Variants in RAD51B observed in about 807,000 individuals in gnomAD.
The protein encoded by RAD51B is DNA repair protein RAD51 homolog 2.
In RAD51B, 38 loss-of-function variants were observed where a neutral mutation model predicts 42.2. The observed-to-expected ratio is 0.90, with a 90% CI of 0.70 to 1.18. The LOEUF is 1.18. RAD51B is among the 50% of genes most tolerant of loss of function. RAD51B has a pLI of 0.00. For synonymous variants in RAD51B, 154 were observed against 145.2 expected, an observed-to-expected ratio of 1.06 and a Z score of -0.43; for missense variants, 373 against 400.7, an observed-to-expected ratio of 0.93 and a Z score of 0.59.
intron 7 of RAD51B, among the ~76,000 whole-genome samples, chr14:68,120,776 T>C (rs1595428457): frequency 6.6e-6 from 1 of 152,162 alleles, no homozygotes; most frequent in Admixed American, 6.5e-5. Flanking sequence ...TCTCTTGCCA[T>C]GTGCCCATTT....
At chr14:67,880,235 T>C (rs1293687805) in intron 5 of RAD51B, among the ~76,000 whole-genome samples, 2 of 152,246 alleles carry the variant, frequency 1.3e-5, no homozygotes, top group African/African-American at 2.4e-5. Flanking sequence ...AATTTTATCA[T>C]TGGCAATAAA....
At chr14:67,971,018 G>C (rs541460864) in intron 7 of RAD51B, among the ~76,000 whole-genome samples, 44 of 152,062 alleles carry the variant, frequency 2.9e-4, no homozygotes, top group Non-Finnish European at 5.9e-4. Context: ...TGACATAAAA[G>C]CTATTAAAGA....
chr14:67,843,957 A>G (rs1435656374), intron 4 of RAD51B, among the ~76,000 whole-genome samples: 1 of 151,868 alleles, frequency 6.6e-6, no homozygotes, highest in Non-Finnish European at 1.5e-5. Flanking sequence ...TTTACTTGAG[A>G]ACTTCTGAAC....
intron 7 of RAD51B, among the ~76,000 whole-genome samples, chr14:68,020,968 A>G (rs547653406): frequency 6.6e-6 from 1 of 152,298 alleles, no homozygotes; most frequent in African/African-American, 2.4e-5. Flanking sequence ...GCAAATAAAC[A>G]GGAGTGTTAG....
intron 7 of RAD51B, among the ~76,000 whole-genome samples, chr14:67,930,621 T>TTTCTCC (rs1206929388): frequency 1.3e-5 from 2 of 152,198 alleles, no homozygotes; most frequent in Admixed American, 6.5e-5. Context: ...CTTTAAGACT[T>TTTCTCC]TTCTCCTTGT....
chr14:68,226,702 T>C (rs1566742304), intron 7 of RAD51B, among the ~76,000 whole-genome samples: 1 of 152,192 alleles, frequency 6.6e-6, no homozygotes, highest in African/African-American at 2.4e-5. Flanking sequence ...TATTAGCGCA[T>C]GAGAACATAC....
chr14:67,946,782 G>A (rs1235213276), intron 7 of RAD51B, among the ~76,000 whole-genome samples: 2 of 152,160 alleles, frequency 1.3e-5, no homozygotes, highest in African/African-American at 2.4e-5. Context: ...AGAAGGTATG[G>A]ATATACTACT....
At chr14:68,470,438 C>G (rs1594884826) in intron 10 of RAD51B, 2 of 462,744 alleles carry the variant, frequency 4.3e-6, no homozygotes, top group African/African-American at 2.0e-5. Context: ...AAATGCAGGC[C>G]CCTCATTTAC....
intron 10 of RAD51B, among the ~76,000 whole-genome samples, chr14:68,589,082 G>A (rs10483814): frequency 0.073 from 11,058 of 152,210 alleles, 558 homozygotes; most frequent in South Asian, 0.22. Context: ...ATGCTAATAC[G>A]AGAATCTCCT....
At chr14:68,122,595 G>T (rs2077672228) in intron 7 of RAD51B, among the ~76,000 whole-genome samples, 1 of 152,170 alleles carries the variant, frequency 6.6e-6, no homozygotes, top group Non-Finnish European at 1.5e-5. Flanking sequence ...TTGGTGGAAT[G>T]ATAAATTGTT....
Position 67,968,333 on chromosome 14 carries a change from T to G in RAD51B, c.756+81129T>G, listed in dbSNP as rs1265677373. On this transcript the variant is annotated intron_variant, in intron 7 of 10. Coordinates refer to ENST00000471583, the MANE Select transcript of RAD51B (RefSeq NM_133510.4). The stretch of plus-strand genomic sequence containing the variant: ...GGGATTAGCATTCAGCTCCTTCTTG[T>G]GCAAATTTCTGCAGCCAGCTTGAAC... Among the ~76,000 whole-genome samples, 7 of 152,348 alleles carry G rather than the reference T, an allele frequency of 4.6e-5. No individual in the cohort carries two copies. The East Asian group carries it at 1.4e-3, about 29-fold the overall frequency.
chr14:68,207,267 T>A (rs954464823), intron 7 of RAD51B, among the ~76,000 whole-genome samples: 15 of 152,290 alleles, frequency 9.8e-5, no homozygotes, highest in Admixed American at 1.3e-4. Context: ...CACCTACATA[T>A]GCATATATGC....
chr14:67,853,046 C>T (rs757957160), intron 4 of RAD51B, among the ~76,000 whole-genome samples: 3 of 152,084 alleles, frequency 2.0e-5, no homozygotes, highest in Non-Finnish European at 2.9e-5. Flanking sequence ...AGCTTAAAAC[C>T]CAAGAAGGAC....
chr14:68,465,210 C>A (rs2085944780), intron 9 of RAD51B, among the ~76,000 whole-genome samples: 1 of 152,158 alleles, frequency 6.6e-6, no homozygotes, highest in Admixed American at 6.5e-5. Flanking sequence ...CAACAAAGAT[C>A]TGAGATTTTT....
chr14:68,421,563 G>A, intron 9 of RAD51B: 1 of 689,106 alleles, frequency 1.5e-6, no homozygotes, highest in Non-Finnish European at 2.5e-6. Context: ...AGGGAACAAG[G>A]AAAACATGGA....
intron 8 of RAD51B, chr14:68,338,760 T>C (rs2082510299): frequency 6.1e-6 from 3 of 493,352 alleles, no homozygotes; most frequent in South Asian, 5.2e-5. Context: ...TTCTTTAACC[T>C]TTGCCTTTTC....
chr14:68,282,457 G>A lies in RAD51B; in HGVS notation c.757-9427G>A, dbSNP rs117804432. On this transcript the variant is annotated intron_variant, in intron 7 of 10. Transcript: ENST00000471583. ...TGTTCTGGACTTGTTCTTCTTATGT[G>A]TGTCTCCTGTGTTGAGTCTGTTTAA... Among the ~76,000 whole-genome samples, 399 of 152,264 alleles carry A rather than the reference G, an allele frequency of 2.6e-3. 11 individuals carry two copies. The East Asian group carries it at 0.048, about 18-fold the overall frequency.
chr14:67,952,989 T>G (rs1943076217), intron 7 of RAD51B, among the ~76,000 whole-genome samples: 2 of 152,166 alleles, frequency 1.3e-5, no homozygotes, highest in Non-Finnish European at 2.9e-5. Context: ...TTGTGAGACT[T>G]ACATATATTC....
At chr14:67,947,564 G>C (rs1246227974) in intron 7 of RAD51B, among the ~76,000 whole-genome samples, 1 of 152,080 alleles carries the variant, frequency 6.6e-6, no homozygotes, top group Non-Finnish European at 1.5e-5. Context: ...AAAAAGAGTT[G>C]TTTTTATATT....
Sources: gnomAD v4.1 joint callset for allele counts (sites outside exome capture counted in the v4.1 genomes callset) on GRCh38, gnomAD v4.1.1 for gene constraint, MANE v1.5 for transcripts, NCBI Gene and HGNC (gene_info 2026-07-23, HGNC 2026-07-21) for gene names.